The following MAGI2 variants were observed in gnomAD, a reference collection of about 807,000 sequenced individuals.
MAGI2 encodes membrane associated guanylate kinase, WW and PDZ domain containing 2.
A neutral mutation model predicts 133.3 loss-of-function variants in MAGI2; 35 were observed. That is an observed-to-expected ratio of 0.26 (90% CI 0.20 to 0.35). The LOEUF is 0.35. MAGI2 is among the 10% of genes least tolerant of loss of function. The probability of loss-of-function intolerance (pLI) is 1.00; values close to 1 mark genes in which losing one functional copy is unlikely to be tolerated. For missense variants in MAGI2, 1,636 were observed against 1,863.4 expected, an observed-to-expected ratio of 0.88 and a Z score of 2.25; for synonymous variants, 729 against 710.6, an observed-to-expected ratio of 1.03 and a Z score of -0.41.
intron 2 of MAGI2, among the ~76,000 whole-genome samples, chr7:78,654,749 A>ATATATATATATG (rs1491177965): frequency 1.0e-5 from 1 of 97,824 alleles, no homozygotes; most frequent in Non-Finnish European, 2.1e-5. Flanking sequence ...ATATATATAT[A>ATATATATATATG]GCATATATTT....
At chr7:78,573,807 C>T (rs1301975092) in intron 3 of MAGI2, among the ~76,000 whole-genome samples, 2 of 151,996 alleles carry the variant, frequency 1.3e-5, no homozygotes, top group Admixed American at 6.6e-5. Context: ...GGAGGGTTCC[C>T]ATTGCCAAGT....
chr7:78,782,691 G>A (rs1179014434), intron 2 of MAGI2, among the ~76,000 whole-genome samples: 1 of 152,108 alleles, frequency 6.6e-6, no homozygotes, highest in Non-Finnish European at 1.5e-5. Context: ...AAAAATAGGG[G>A]ATGGTGACTG....
chr7:78,542,227 C>G (rs1208104219), intron 3 of MAGI2, among the ~76,000 whole-genome samples: 3 of 152,146 alleles, frequency 2.0e-5, no homozygotes, highest in African/African-American at 7.2e-5. Flanking sequence ...AGAAAGTAGA[C>G]TGGACTTAGT....
At position 78,737,982 on chromosome 7, in the gene MAGI2, C is replaced by G. The variant is rs1389902827; in HGVS notation, c.419-110743G>C. Among the ~76,000 whole-genome samples the G allele has an allele frequency of 2.0e-5, 3 of 152,192 alleles. No homozygotes were observed. The East Asian group carries it at 5.8e-4, about 29-fold the overall frequency. The stretch of plus-strand genomic sequence containing the variant: ...CAAAGGCCATGCCTTTCCCACTTAA[C>G]TGCAATACATTTCATTACAAATAAA... On this transcript the variant is annotated intron_variant, in intron 2 of 21. Transcript: ENST00000354212.
intron 20 of MAGI2, among the ~76,000 whole-genome samples, chr7:78,097,809 CTAAAA>C (rs1191179389): frequency 1.3e-5 from 2 of 151,734 alleles, no homozygotes; most frequent in Non-Finnish European, 2.9e-5. Context: ...ATGCCCAAAC[CTAAAA>C]TAAAAGATAA....
chr7:78,459,521 A>G (rs1377179962), intron 6 of MAGI2, among the ~76,000 whole-genome samples: 1 of 152,226 alleles, frequency 6.6e-6, no homozygotes, highest in African/African-American at 2.4e-5. Context: ...TATTTTGGAA[A>G]ATACACTGAT....
At chr7:78,961,464 A>T (rs1371411757) in intron 2 of MAGI2, among the ~76,000 whole-genome samples, 1 of 152,068 alleles carries the variant, frequency 6.6e-6, no homozygotes, top group African/African-American at 2.4e-5. Flanking sequence ...CCCTAAACTA[A>T]TCGCTGTAAT....
chr7:79,027,416 A>G (rs1288845721), intron 1 of MAGI2, among the ~76,000 whole-genome samples: 1 of 151,884 alleles, frequency 6.6e-6, no homozygotes, highest in Non-Finnish European at 1.5e-5. Flanking sequence ...CATGGATGGG[A>G]TTGGAGAACA....
intron 2 of MAGI2, 191 bp downstream of exon 2, chr7:79,006,896 TACA>T (rs1245447339): frequency 2.7e-5 from 12 of 448,306 alleles, no homozygotes; most frequent in African/African-American, 2.5e-4. Context: ...TTCTTCTGGC[TACA>T]ACTTCATCAT....
chr7:78,276,687 A>C (rs1419663715), intron 9 of MAGI2, among the ~76,000 whole-genome samples: 1 of 152,198 alleles, frequency 6.6e-6, no homozygotes, highest in East Asian at 1.9e-4. Context: ...GAGTTACCTT[A>C]CATATTATAT....
In MAGI2 at chr7:78,465,870, A is replaced by T. The variant is rs537537697; in HGVS notation, c.1045+23891T>A. 3.7e-4 allele frequency among the ~76,000 whole-genome samples: 57 copies of T among 152,294 alleles called. No homozygotes were observed. In the South Asian group the frequency reaches 4.1e-3, roughly 11 times the overall value. Reference sequence around the variant, plus strand: ...CTCATCTCCTGAGTAGACTATTGCCATCATTTCTCTGCTTTAACTTAGTCT... The same window carrying T: ...CTCATCTCCTGAGTAGACTATTGCCTTCATTTCTCTGCTTTAACTTAGTCT... On this transcript the variant is annotated intron_variant, in intron 6 of 21. Transcript: ENST00000354212.
chr7:79,366,985 G>T (rs370777156), intron 1 of MAGI2, among the ~76,000 whole-genome samples: 1 of 152,210 alleles, frequency 6.6e-6, no homozygotes, highest in African/African-American at 2.4e-5. Context: ...ACTGACCCAG[G>T]TTTAACAGAA....
intron 6 of MAGI2, among the ~76,000 whole-genome samples, chr7:78,395,861 A>G (rs1796303009): frequency 6.6e-6 from 1 of 152,238 alleles, no homozygotes; most frequent in African/African-American, 2.4e-5. Flanking sequence ...GGAATACAGC[A>G]TGGGACTAAA....
At chr7:78,709,292 A>C (rs323173) in intron 2 of MAGI2, among the ~76,000 whole-genome samples, 100,964 of 148,932 alleles carry the variant, frequency 0.68, 34,314 homozygotes, top group East Asian at 0.83. Context: ...CCCCACCCCC[A>C]CTCCACACAC....
chr7:79,329,939 A>T (rs1209321317), intron 1 of MAGI2, among the ~76,000 whole-genome samples: 5 of 152,166 alleles, frequency 3.3e-5, no homozygotes. Context: ...TTCTCTTTAT[A>T]AAAGACTAAA....
chr7:78,532,859 A>G (rs1274872752), intron 3 of MAGI2, among the ~76,000 whole-genome samples: 1 of 152,228 alleles, frequency 6.6e-6, no homozygotes. Flanking sequence ...CTCTGAATCA[A>G]TATACTGACT....
rs138149830 is a variant in MAGI2, at chr7:78,703,318, G to A, written c.419-76079C>T. Among the ~76,000 whole-genome samples the A allele has an allele frequency of 2.9e-3, 434 of 152,042 alleles. 3 individuals are homozygous for A. Among genetic ancestry groups the A allele is most frequent in the Admixed American group, 0.021 (328 of 15,266 alleles). On this transcript the variant is annotated intron_variant, in intron 2 of 21. Transcript: ENST00000354212. Reference sequence around the variant, plus strand: ...ATTTAAAGTGCATAACCCCCTGGCTGGATTACAATTCCAAGTTGTATCTAG... The same window carrying A: ...ATTTAAAGTGCATAACCCCCTGGCTAGATTACAATTCCAAGTTGTATCTAG...
In MAGI2 at chr7:79,381,151, A is replaced by C. The variant is rs559932516; in HGVS notation, c.301+71869T>G. 3.1e-3 allele frequency among the ~76,000 whole-genome samples: 332 copies of C among 108,676 alleles called. 1 individual carries two copies. The highest frequency in any genetic ancestry group is 5.2e-3 in the Non-Finnish European group (282 of 53,846). The allele number at this position is 108,676 out of a possible 152,430, so 71.3% of individuals were successfully genotyped here. On this transcript the variant is annotated intron_variant, in intron 1 of 21. Transcript: ENST00000354212. The stretch of plus-strand genomic sequence containing the variant: ...TATCGGTGCTGCTCAGCTCAGATTA[A>C]ACTGTAATCTTCTGGCAGTTAATCT...
At chr7:79,135,483 C>T (rs960496396) in intron 1 of MAGI2, among the ~76,000 whole-genome samples, 5 of 152,112 alleles carry the variant, frequency 3.3e-5, no homozygotes, top group South Asian at 2.1e-4. Flanking sequence ...ATAGCACATA[C>T]ATGTCAAAAA....
Sources: allele counts gnomAD v4.1 joint callset (sites outside exome capture counted in the v4.1 genomes callset), GRCh38; gene constraint gnomAD v4.1.1; transcripts MANE v1.5; gene names NCBI Gene and HGNC (gene_info 2026-07-23, HGNC 2026-07-21).